The following RNF111 variants were observed in gnomAD, a reference collection of about 807,000 sequenced individuals.
RNF111 encodes the protein E3 ubiquitin-protein ligase Arkadia.
A neutral mutation model predicts 95.1 loss-of-function variants in RNF111; 17 were observed. That is an observed-to-expected ratio of 0.18 (90% CI 0.12 to 0.27). The LOEUF is 0.27. Ranked by LOEUF, RNF111 falls within the 10% of genes least tolerant of loss-of-function variation. The pLI is 1.00. For synonymous variants in RNF111, 440 were observed against 414.8 expected, an observed-to-expected ratio of 1.06 and a Z score of -0.74; for missense variants, 1,189 against 1,210.4, an observed-to-expected ratio of 0.98 and a Z score of 0.26.
At chr15:59,009,390 A>G (rs1239023895) in intron 1 of RNF111, among the ~76,000 whole-genome samples, 2 of 152,020 alleles carry the variant, frequency 1.3e-5, no homozygotes, top group African/African-American at 4.8e-5. Context: ...AGTAGAACCC[A>G]CTTTATTCCA....
At chr15:59,067,356 C>T (rs1271125901) in intron 6 of RNF111, among the ~76,000 whole-genome samples, 1 of 151,720 alleles carries the variant, frequency 6.6e-6, no homozygotes, top group Non-Finnish European at 1.5e-5. Context: ...TTCTCCTTTC[C>T]CTTCCCCTTC....
chr15:59,002,136 T>A (rs1250069839), intron 1 of RNF111, among the ~76,000 whole-genome samples: 7 of 152,218 alleles, frequency 4.6e-5, no homozygotes, highest in Admixed American at 4.6e-4. Context: ...GGACCATGGT[T>A]GACCATAGGT....
intron 1 of RNF111, among the ~76,000 whole-genome samples, chr15:59,005,667 G>A (rs1418023137): frequency 2.0e-5 from 3 of 151,686 alleles, no homozygotes; most frequent in Non-Finnish European, 2.9e-5. Context: ...GATTGAAGTC[G>A]TACCAAAAAA....
At chr15:59,035,089 G>A (rs1289211790) in intron 2 of RNF111, among the ~76,000 whole-genome samples, 6 of 152,220 alleles carry the variant, frequency 3.9e-5, no homozygotes, top group Non-Finnish European at 7.3e-5. Context: ...GAGAGAGATT[G>A]TGCAGGGGAA....
chr15:59,066,638 T>C lies in RNF111; in HGVS notation c.1367-126T>C, dbSNP rs942687327. 5.0e-6 allele frequency: 4 copies of C among 800,182 alleles called. No individual in the cohort carries two copies. The Admixed American group carries it at 1.2e-4, about 23-fold the overall frequency. The allele number at this position is 800,182 out of a possible 1,614,324, so 49.6% of individuals were successfully genotyped here. ...AAAAAAAGAACGTGGCACTATCACA[T>C]TATTTACAGAGATTTGAAATTACCG... On this transcript the variant is annotated intron_variant, in intron 5 of 13. Transcript: ENST00000348370.
intron 1 of RNF111, among the ~76,000 whole-genome samples, chr15:59,000,468 T>A (rs1313641162): frequency 6.6e-6 from 1 of 151,956 alleles, no homozygotes; most frequent in Non-Finnish European, 1.5e-5. Context: ...TTGCAGCACT[T>A]TGGGAGGCCG....
chr15:59,074,495 T>C (rs1220742112), intron 6 of RNF111, among the ~76,000 whole-genome samples: 5 of 152,252 alleles, frequency 3.3e-5, no homozygotes, highest in African/African-American at 9.6e-5. Context: ...AGATAGCTTC[T>C]TTCCTTCAGT....
At chr15:59,094,634 G>C (rs530304942) in intron 13 of RNF111, 149 bp from the exon 14 acceptor site, 3 of 546,210 alleles carry the variant, frequency 5.5e-6, no homozygotes, top group Non-Finnish European at 9.8e-6. Flanking sequence ...ATATTGCCCA[G>C]AGTGCTAATT....
chr15:59,008,991 A>T (rs1444101793), intron 1 of RNF111, among the ~76,000 whole-genome samples: 2 of 151,968 alleles, frequency 1.3e-5, no homozygotes, highest in East Asian at 3.9e-4. Flanking sequence ...ACAGAGTCCC[A>T]TTCTGTCACC....
chr15:59,055,353 AC>A (rs1253298059), intron 3 of RNF111, among the ~76,000 whole-genome samples: 2 of 152,160 alleles, frequency 1.3e-5, no homozygotes, highest in Non-Finnish European at 1.5e-5. Context: ...TTATTCCTTT[AC>A]CTATGGTGAG....
intron 1 of RNF111, among the ~76,000 whole-genome samples, chr15:59,026,025 C>T (rs776416397): frequency 4.0e-5 from 6 of 151,430 alleles, no homozygotes; most frequent in Non-Finnish European, 8.8e-5. Flanking sequence ...CCACTGTGCC[C>T]GGCCGGCTTT....
intron 1 of RNF111, among the ~76,000 whole-genome samples, chr15:59,023,584 A>G (rs148521879): frequency 7.9e-5 from 12 of 152,214 alleles, no homozygotes; most frequent in Non-Finnish European, 1.6e-4. Context: ...TACTGTTGCC[A>G]GTGGTTTTCT....
At position 58,996,649 on chromosome 15, in the gene RNF111, C is replaced by CTTTT. The variant is rs60350601; in HGVS notation, c.-20+8607_-20+8610dup. 1.4e-3 allele frequency among the ~76,000 whole-genome samples: 145 copies of CTTTT among 100,726 alleles called. 5 individuals are homozygous for CTTTT. The highest frequency in any genetic ancestry group is 3.2e-3 in the African/African-American group (81 of 25,626). The allele number at this position is 100,726 out of a possible 152,430, so 66.1% of individuals were successfully genotyped here. A position where few individuals can be genotyped will look rare whatever the true frequency, so the allele number is the denominator to read the frequency against. Reference sequence around the variant, plus strand: ...GTGATTGAAAACTCATCAGTACTTTCTTTTTTTTTTTTTTTTTTTTTTTTT... The same window carrying CTTTT: ...GTGATTGAAAACTCATCAGTACTTTCTTTTTTTTTTTTTTTTTTTTTTTTTTTTT... On this transcript the variant is annotated intron_variant, in intron 1 of 13. Transcript: ENST00000348370.
chr15:59,043,605 G>A (rs1483421519), intron 2 of RNF111, among the ~76,000 whole-genome samples: 2 of 152,132 alleles, frequency 1.3e-5, no homozygotes, highest in Non-Finnish European at 2.9e-5. Flanking sequence ...GTTTTGAATG[G>A]TTTCCGGTAT....
chr15:59,074,017 GA>G (rs2043059333), intron 6 of RNF111, among the ~76,000 whole-genome samples: 1 of 152,018 alleles, frequency 6.6e-6, no homozygotes, highest in Admixed American at 6.5e-5. Context: ...TCTTTTTTGA[GA>G]AAAGGTCTCA....
At chr15:59,029,228 C>T (rs1322041502) in intron 1 of RNF111, among the ~76,000 whole-genome samples, 1 of 152,080 alleles carries the variant, frequency 6.6e-6, no homozygotes, top group African/African-American at 2.4e-5. Context: ...TTATTACAGC[C>T]ATCCTGTTTG....
rs192630343 is a variant in RNF111, at chr15:58,993,903, T to A, written c.-20+5835T>A. On this transcript the variant is annotated intron_variant, in intron 1 of 13. Coordinates refer to ENST00000348370, the MANE Select transcript of RNF111 (RefSeq NM_017610.8). ...TCTACCAAATAGAAAATTTAAGAAA[T>A]TCTATATATGGCTAGGTGTCAAGTC... 2.0e-3 allele frequency among the ~76,000 whole-genome samples: 300 copies of A among 152,252 alleles called. 1 individual carries two copies. Among genetic ancestry groups the A allele is most frequent in the African/African-American group, 6.7e-3 (279 of 41,550 alleles).
intron 6 of RNF111, among the ~76,000 whole-genome samples, chr15:59,067,796 C>T (rs2042731475): frequency 6.6e-6 from 1 of 152,124 alleles, no homozygotes; most frequent in Admixed American, 6.6e-5. Context: ...TCCCAGTTTT[C>T]CCCTTTTACC....
At chr15:59,028,400 A>G (rs1165906401) in intron 1 of RNF111, among the ~76,000 whole-genome samples, 1 of 152,038 alleles carries the variant, frequency 6.6e-6, no homozygotes, top group Non-Finnish European at 1.5e-5. Context: ...TCATATACCT[A>G]CATGCCTATG....
Sources: allele counts gnomAD v4.1 joint callset (sites outside exome capture counted in the v4.1 genomes callset), GRCh38; gene constraint gnomAD v4.1.1; transcripts MANE v1.5; gene names NCBI Gene and HGNC (gene_info 2026-07-23, HGNC 2026-07-21).